The following SLC12A6 variants were observed in gnomAD, a reference collection of about 807,000 sequenced individuals.
SLC12A6 encodes the protein K-Cl cotransporter 3.
A neutral mutation model predicts 135.3 loss-of-function variants in SLC12A6; 66 were observed. That is an observed-to-expected ratio of 0.49 (90% CI 0.40 to 0.60). SLC12A6 has a LOEUF of 0.60. Among genes scored for constraint, SLC12A6 ranks in the 20% least tolerant of loss-of-function variants. SLC12A6 has a pLI of 0.00. For synonymous variants in SLC12A6, 513 were observed against 508.8 expected (o/e 1.01, Z -0.11); for missense variants, 1,058 against 1,452.3 (o/e 0.73, Z 4.41).
At chr15:34,247,172 C>A (rs1892048279) in intron 13 of SLC12A6, among the ~76,000 whole-genome samples, 1 of 152,120 alleles carries the variant, frequency 6.6e-6, no homozygotes. Flanking sequence ...TGAAACATAG[C>A]ATCAGTTTAA....
At position 34,230,817 on chromosome 15, in the gene SLC12A6, C is replaced by G. The variant is rs1890874022; in HGVS notation, c.*3064G>C. The G allele has an allele frequency of 6.6e-6, 1 of 152,352 alleles. No homozygotes were observed. Among genetic ancestry groups the G allele is most frequent in the Admixed American group, 6.6e-5 (1 of 15,238 alleles). 9.4% of individuals were successfully genotyped at this position (152,352 alleles called of 1,614,324 possible). On this transcript the variant is annotated 3_prime_UTR_variant, in exon 26 of 26. Coordinates refer to ENST00000354181, the MANE Select transcript of SLC12A6 (RefSeq NM_001365088.1). ...TAAATCTGGCCTAATAACCAGTTTT[C>G]CATGTAACAGTGATTTTGTGTTTCG...
chr15:34,256,421 G>A, intron 6 of SLC12A6, 138 bp from the exon 7 acceptor site: 1 of 690,906 alleles, frequency 1.4e-6, no homozygotes, highest in South Asian at 1.5e-5. Flanking sequence ...CTAATGGTAT[G>A]GAAATAAGAT....
chr15:34,305,199 CTATG>C (rs1283269719), intron 2 of SLC12A6, among the ~76,000 whole-genome samples: 1 of 152,130 alleles, frequency 6.6e-6, no homozygotes, highest in Non-Finnish European at 1.5e-5. Context: ...AAGGATATCC[CTATG>C]TATGTGTTTT....
At chr15:34,245,609 A>T in intron 14 of SLC12A6, 84 bp downstream of exon 14, 1 of 1,209,550 alleles carries the variant, frequency 8.3e-7, no homozygotes, top group Non-Finnish European at 1.2e-6. Context: ...TTTATGATCT[A>T]GTAATTTCTA....
chr15:34,298,043 C>T (rs1895989929), intron 2 of SLC12A6, among the ~76,000 whole-genome samples: 2 of 152,082 alleles, frequency 1.3e-5, no homozygotes, highest in African/African-American at 4.8e-5. Flanking sequence ...ACTCTGAATG[C>T]CTACTATATG....
intron 13 of SLC12A6, among the ~76,000 whole-genome samples, chr15:34,246,586 A>G (rs1415771597): frequency 6.6e-6 from 1 of 152,096 alleles, no homozygotes; most frequent in Non-Finnish European, 1.5e-5. Context: ...TATATAAAAT[A>G]TTATAATTAA....
At chr15:34,240,578 T>A in intron 19 of SLC12A6, 83 bp downstream of exon 19, 2 of 1,188,274 alleles carry the variant, frequency 1.7e-6, no homozygotes. Flanking sequence ...AGGAACAAGA[T>A]TCAAGTAGAA....
intron 2 of SLC12A6, among the ~76,000 whole-genome samples, chr15:34,283,177 A>G (rs1595493924): frequency 6.6e-6 from 1 of 151,802 alleles, no homozygotes; most frequent in African/African-American, 2.4e-5. Context: ...ACCCCATCTC[A>G]ACTAAAAATA....
chr15:34,273,964 T>C (rs868617219), intron 3 of SLC12A6, among the ~76,000 whole-genome samples: 3 of 152,262 alleles, frequency 2.0e-5, no homozygotes, highest in Middle Eastern at 6.8e-3. Flanking sequence ...AACATGTACA[T>C]ATCTTTTGAG....
Position 34,232,852 on chromosome 15 carries a change from C to T in SLC12A6, c.*1029G>A, listed in dbSNP as rs944125369. ...TTCCAATTCCATTGCTAGATGTGCCCTTTAAAAGATGGTCCAGTGCTTTCA... is the reference window on the plus strand; with the variant it reads ...TTCCAATTCCATTGCTAGATGTGCCTTTTAAAAGATGGTCCAGTGCTTTCA... On this transcript the variant is annotated 3_prime_UTR_variant, in exon 26 of 26. Coordinates refer to ENST00000354181, the MANE Select transcript of SLC12A6 (RefSeq NM_001365088.1). 6.7e-6 allele frequency: 1 copy of T among 149,292 alleles called. No homozygotes were observed. Among genetic ancestry groups the T allele is most frequent in the Non-Finnish European group, 1.5e-5 (1 of 67,684 alleles). 9.2% of individuals were successfully genotyped at this position (149,292 alleles called of 1,614,324 possible).
At position 34,265,146 on chromosome 15, in the gene SLC12A6, G is replaced by A. The variant is rs562154080; in HGVS notation, c.317-4126C>T. On this transcript the variant is annotated intron_variant, in intron 3 of 25. Transcript: ENST00000354181. Reference sequence around the variant, plus strand: ...CAGGAGGCGGAGCTTGCAGTGAGCCGAGATCGTGCCACTGCACTCCAGCCT... The same window carrying A: ...CAGGAGGCGGAGCTTGCAGTGAGCCAAGATCGTGCCACTGCACTCCAGCCT... 2.5e-3 allele frequency among the ~76,000 whole-genome samples: 388 copies of A among 152,250 alleles called. 1 individual carries two copies. The highest frequency in any genetic ancestry group is 9.1e-3 in the African/African-American group (378 of 41,566).
rs369291448 is a variant in SLC12A6 at position 34,304,032 on chromosome 15, A to G, written c.272-28643T>C. ...ATTTTACATTTTTGTCTCCCCACTA[A>G]AAGAAACCCTCTACCCATCAGCAGG... On this transcript the variant is annotated intron_variant, in intron 2 of 25. Transcript: ENST00000354181. Among the ~76,000 whole-genome samples, 255 of 152,188 alleles carry G rather than the reference A, an allele frequency of 1.7e-3. 2 individuals carry two copies. The highest frequency in any genetic ancestry group is 5.8e-3 in the African/African-American group (241 of 41,506).
intron 10 of SLC12A6, 125 bp from the exon 11 acceptor site, chr15:34,251,182 T>A: frequency 1.4e-6 from 1 of 736,382 alleles, no homozygotes; most frequent in East Asian, 2.6e-5. Flanking sequence ...TGTTTGCTTC[T>A]ACATGAGCAC....
intron 2 of SLC12A6, among the ~76,000 whole-genome samples, chr15:34,325,492 G>A (rs996546629): frequency 6.6e-6 from 1 of 152,054 alleles, no homozygotes; most frequent in African/African-American, 2.4e-5. Context: ...TGTTATCAGT[G>A]GTGAATATAT....
chr15:34,258,356 G>A (rs1055095527), intron 5 of SLC12A6, among the ~76,000 whole-genome samples: 2 of 152,164 alleles, frequency 1.3e-5, no homozygotes, highest in Admixed American at 1.3e-4. Context: ...CAGCAGATGG[G>A]TATGGACACT....
At position 34,233,898 on chromosome 15, in the gene SLC12A6, T is replaced by A. The variant is rs1402565761; in HGVS notation, c.3436A>T (p.Ile1146Phe). 2 of 1,590,050 alleles carry A rather than the reference T, an allele frequency of 1.3e-6. No individual in the cohort carries two copies. The highest frequency in any genetic ancestry group is 2.2e-5 in the South Asian group (2 of 90,596). Residue 1146 changes from isoleucine to phenylalanine, a missense_variant, in exon 26 of 26, where the codon ATC (isoleucine) becomes TTC (phenylalanine). Physicochemically the swap from Ile to Phe is conservative, Grantham distance 21. Around this residue, in one of 6 missense-constraint regions of SLC12A6, gnomAD observed 245 missense variants for 440.8 expected, o/e 0.56. Coordinates refer to ENST00000354181, the MANE Select transcript of SLC12A6 (RefSeq NM_001365088.1). ...AGAGTAGGTTATGAATAAATGGTGA[T>A]CACTTCACTGCCACCACCCCGGACA... is the stretch of plus-strand genomic sequence containing the variant. Reference protein sequence around the residue: ...LLVRGGGSEVITIYS With the variant: ...LLVRGGGSEVFTIYS
At chr15:34,327,616 T>A (rs1889560302) in intron 2 of SLC12A6, among the ~76,000 whole-genome samples, 1 of 150,920 alleles carries the variant, frequency 6.6e-6, no homozygotes, top group South Asian at 2.1e-4. Flanking sequence ...CGAGACCGCA[T>A]CACTGCACTA....
At chr15:34,234,076 C>CA (rs1377701598) in intron 25 of SLC12A6, 104 bp from the exon 26 acceptor site, 2 of 735,088 alleles carry the variant, frequency 2.7e-6, no homozygotes, top group African/African-American at 3.4e-5. Flanking sequence ...AAATTAGCTG[C>CA]TTAATTATTA....
intron 2 of SLC12A6, among the ~76,000 whole-genome samples, chr15:34,295,410 C>T (rs1403557996): frequency 2.6e-5 from 4 of 152,112 alleles, no homozygotes; most frequent in Non-Finnish European, 5.9e-5. Context: ...TACTATATCA[C>T]AGAAAATTGA....
Sources: gnomAD v4.1 joint callset for allele counts (sites outside exome capture counted in the v4.1 genomes callset) on GRCh38, gnomAD v4.1.1 for gene constraint, gnomAD v4.1.1 regional missense constraint, MANE v1.5 for transcripts, NCBI Gene and HGNC (gene_info 2026-07-23, HGNC 2026-07-21) for gene names.